CSF2RA: variants seen among roughly 807,000 people sequenced by gnomAD.
CSF2RA encodes the protein colony stimulating factor 2 receptor subunit alpha.
In CSF2RA, 42 loss-of-function variants were observed where a neutral mutation model predicts 51.6. That is an observed-to-expected ratio of 0.81 (90% confidence interval 0.64 to 1.05). The LOEUF is 1.05. Ranked by LOEUF, CSF2RA falls within the 50% of genes least tolerant of loss-of-function variation. CSF2RA has a pLI of 0.00. For missense variants in CSF2RA, 530 were observed against 501.1 expected, an observed-to-expected ratio of 1.06 and a Z score of -0.55; for synonymous variants, 222 against 193.0, an observed-to-expected ratio of 1.15 and a Z score of -1.24.
chrX:1,295,162 G>A lies in CSF2RA; in HGVS notation c.781-265G>A, dbSNP rs185127202. 0.029 allele frequency among the ~76,000 whole-genome samples: 1,041 copies of A among 35,770 alleles called. 11 individuals are homozygous for A. The highest frequency in any genetic ancestry group is 0.1 in the African/African-American group (981 of 9,454). 23.5% of individuals were successfully genotyped at this position (35,770 alleles called of 152,430 possible). A position where few individuals can be genotyped will look rare whatever the true frequency, so the allele number is the denominator to read the frequency against. On this transcript the variant is annotated intron_variant, in intron 8 of 12. Transcript: ENST00000381529. ...GAGCCTGCTCCATGTCTACCTGGAC[G>A]ACAGGAGAACACCCTGCCCCAAGGC...
intron 2 of CSF2RA, chrX:1,282,273 C>T (rs1164257979): frequency 1.5e-5 from 3 of 205,576 alleles, no homozygotes; most frequent in African/African-American, 6.9e-5. Context: ...CCTGAGCCAT[C>T]GTTTATCTTA....
chrX:1,323,134 AAATAC>A, the CSF2RA span, among the ~76,000 whole-genome samples: 22 of 129,416 alleles, frequency 1.7e-4, no homozygotes, highest in East Asian at 1.0e-3. Context: ...GTCTCAAAAA[AAATAC>A]AATACAATAC....
chrX:1,310,051 TG>T (rs1211850237), downstream of CSF2RA: 1 of 352,114 alleles, frequency 2.8e-6, no homozygotes, highest in African/African-American at 2.1e-5. Context: ...AAAAATTAGC[TG>T]GGCGTGGTGG....
chrX:1,322,435 G>GTT, the CSF2RA span, among the ~76,000 whole-genome samples: 1 of 78,618 alleles, frequency 1.3e-5, no homozygotes, highest in Admixed American at 1.5e-4. Context: ...AACTGTGTGT[G>GTT]TTTGTTTTTT....
At chrX:1,300,289 C>A in intron 9 of CSF2RA, 1 of 606,980 alleles carries the variant, frequency 1.6e-6, no homozygotes, top group Non-Finnish European at 2.9e-6. Context: ...CAACTTGTCT[C>A]CCATCGAAAT....
chrX:1,272,022 C>G (rs1258462399), intron 1 of CSF2RA, among the ~76,000 whole-genome samples: 1 of 150,804 alleles, frequency 6.6e-6, no homozygotes, highest in Non-Finnish European at 1.5e-5. Flanking sequence ...GGCATGATCT[C>G]GGCTCACTGC....
intron 6 of CSF2RA, among the ~76,000 whole-genome samples, chrX:1,289,457 G>GT (rs1341931513): frequency 1.2e-4 from 18 of 151,942 alleles, no homozygotes; most frequent in Non-Finnish European, 5.9e-5. Context: ...TTTGTTTTGT[G>GT]TTTTTTGTTT....
chrX:1,297,701 CT>C (rs2092057394), intron 9 of CSF2RA, among the ~76,000 whole-genome samples: 2 of 48,530 alleles, frequency 4.1e-5, no homozygotes, highest in Admixed American at 4.0e-4. Context: ...CAGTCTCCTA[CT>C]CATGACCCCT....
At chrX:1,275,660 G>T (rs1414330078) in intron 2 of CSF2RA, among the ~76,000 whole-genome samples, 6 of 151,720 alleles carry the variant, frequency 4.0e-5, no homozygotes, top group African/African-American at 1.2e-4. Flanking sequence ...CCGGGTTCAC[G>T]CCATTCTCCT....
intron 2 of CSF2RA, among the ~76,000 whole-genome samples, chrX:1,277,593 CAAAAAAAA>C (rs749833246): frequency 2.8e-5 from 2 of 70,436 alleles, no homozygotes; most frequent in African/African-American, 6.2e-5. Flanking sequence ...AAGTCCATCT[CAAAAAAAA>C]AAAAAAAAAA....
chrX:1,309,432 GGGAAA>G lies in CSF2RA; in HGVS notation c.1159_1163del (p.Lys387LeufsTer50). Reference sequence around the variant, plus strand: ...CTGGGAGGAATTCACCCCAGAGGAAGGGAAAGGCTACCGCGAAGAGGTCTTGACCG... The same window carrying G: ...CTGGGAGGAATTCACCCCAGAGGAAGGGCTACCGCGAAGAGGTCTTGACCG... On this transcript the variant is annotated frameshift_variant, in exon 13 of 13. Transcript: ENST00000381529. LOFTEE classifies it high-confidence loss of function. 6.2e-7 allele frequency: 1 copy of G among 1,614,006 alleles called. No homozygotes were observed. The highest frequency in any genetic ancestry group is 8.5e-7 in the Non-Finnish European group (1 of 1,179,874).
rs1158836967 is a variant in CSF2RA, at chrX:1,287,387, C to T, written c.220-1132C>T. ...CAGGCTGGTCTCCAACTCCTGACCTCGTGATCCACCCTCCTTGGCCTCCCA... is the reference window on the plus strand; with the variant it reads ...CAGGCTGGTCTCCAACTCCTGACCTTGTGATCCACCCTCCTTGGCCTCCCA... On this transcript the variant is annotated intron_variant, in intron 4 of 12. Coordinates refer to ENST00000381529, the MANE Select transcript of CSF2RA (RefSeq NM_172245.4). 5.4e-5 allele frequency among the ~76,000 whole-genome samples: 8 copies of T among 146,872 alleles called. No homozygotes were observed. In the South Asian group the frequency reaches 1.3e-3, roughly 24 times the overall value.
intron 2 of CSF2RA, among the ~76,000 whole-genome samples, chrX:1,279,677 C>T (rs1428263392): frequency 6.6e-6 from 1 of 151,880 alleles, no homozygotes; most frequent in African/African-American, 2.4e-5. Flanking sequence ...AGTTGGGGGG[C>T]AGGGGCAGGA....
downstream of CSF2RA, among the ~76,000 whole-genome samples, chrX:1,314,857 C>T (rs1256015150): frequency 3.0e-4 from 19 of 64,272 alleles, no homozygotes; most frequent in Admixed American, 5.8e-4. Flanking sequence ...AATCCCACTG[C>T]ACCTGCCCAA....
the CSF2RA span, among the ~76,000 whole-genome samples, chrX:1,319,204 C>T: frequency 6.7e-6 from 1 of 149,682 alleles, no homozygotes; most frequent in East Asian, 2.0e-4. Context: ...CCATGTTGGC[C>T]AGGCTGGTGT....
intron 12 of CSF2RA, 109 bp downstream of exon 12, chrX:1,305,636 G>A (rs756499032): frequency 2.0e-5 from 33 of 1,612,368 alleles, no homozygotes; most frequent in South Asian, 1.1e-4. Context: ...AGATGGGACC[G>A]CAGCGTCACC....
chrX:1,294,626 G>A (rs1349421207), intron 8 of CSF2RA, among the ~76,000 whole-genome samples, 165 bp downstream of exon 8: 1 of 152,132 alleles, frequency 6.6e-6, no homozygotes, highest in Non-Finnish European at 1.5e-5. Flanking sequence ...AGAGGTGAAG[G>A]GTCTGTGGCC....
the CSF2RA span, among the ~76,000 whole-genome samples, chrX:1,321,274 C>A: frequency 2.0e-4 from 30 of 152,070 alleles, no homozygotes; most frequent in South Asian, 6.2e-3. Context: ...TCGAGACCAT[C>A]CTGGCTAACA....
intron 2 of CSF2RA, among the ~76,000 whole-genome samples, chrX:1,280,540 C>A (rs1238862739): frequency 6.6e-6 from 1 of 150,842 alleles, no homozygotes; most frequent in Non-Finnish European, 1.5e-5. Context: ...GGCGGGACAA[C>A]TCAAAGTGGG....
Sources: gnomAD v4.1 joint callset for allele counts (sites outside exome capture counted in the v4.1 genomes callset) on GRCh38, gnomAD v4.1.1 for gene constraint, MANE v1.5 for transcripts, NCBI Gene and HGNC (gene_info 2026-07-23, HGNC 2026-07-21) for gene names.